Variants in HIPK3 observed in about 807,000 individuals in gnomAD.
HIPK3 encodes the protein homeodomain interacting protein kinase 3.
HIPK3 carries 47 observed loss-of-function variants against 124.2 expected under a neutral mutation model. The observed-to-expected ratio is 0.38, with a 90% CI of 0.30 to 0.48. The LOEUF is 0.48. HIPK3 is among the 20% of genes least tolerant of loss of function. The pLI is 0.98. For synonymous variants in HIPK3, 482 were observed against 515.2 expected (o/e 0.94, Z 0.87); for missense variants, 1,286 against 1,454.3 (o/e 0.88, Z 1.88).
At chr11:33,339,327 G>T (rs1366052849) in intron 5 of HIPK3, 23 bp from the exon 6 acceptor site, 2 of 1,458,644 alleles carry the variant, frequency 1.4e-6, no homozygotes, top group Non-Finnish European at 1.8e-6. Flanking sequence ...TTACTTGATG[G>T]CTTGAAATTT....
At chr11:33,294,909 A>C (rs1224942421) in intron 2 of HIPK3, among the ~76,000 whole-genome samples, 1 of 152,106 alleles carries the variant, frequency 6.6e-6, no homozygotes, top group Admixed American at 6.6e-5. Context: ...ACATGTTTAC[A>C]TTATTTGCCC....
intron 1 of HIPK3, among the ~76,000 whole-genome samples, chr11:33,268,568 A>C (rs543659499): frequency 1.2e-4 from 18 of 144,894 alleles, no homozygotes; most frequent in Non-Finnish European, 2.3e-4. Context: ...TGCACCTTGG[A>C]CAACAGAGTA....
intron 1 of HIPK3, among the ~76,000 whole-genome samples, chr11:33,281,943 C>T (rs1023022075): frequency 3.9e-5 from 6 of 152,166 alleles, no homozygotes; most frequent in Admixed American, 2.6e-4. Context: ...ATTTCTAGGT[C>T]AGAGGATATG....
Position 33,286,653 on chromosome 11 carries a change from C to T in HIPK3, c.239C>T (p.Thr80Ile), listed in dbSNP as rs748842821. The change falls in exon 2 of 17, where the codon ACA (threonine) becomes ATA (isoleucine). Residue 80 changes from threonine (T) to isoleucine (I), a missense_variant. Thr to Ile is a moderately conservative substitution (Grantham distance 89). Transcript: ENST00000303296. ...CGAGGACACAACTTTTCATTGCAGACAAGTGCTGTTGTTTTGAAAAACACT... is the reference window on the plus strand; with the variant it reads ...CGAGGACACAACTTTTCATTGCAGATAAGTGCTGTTGTTTTGAAAAACACT... ...RPRGHNFSLQ[T>I]SAVVLKNTAG... 1 of 1,614,138 alleles carries T rather than the reference C, an allele frequency of 6.2e-7. No individual in the cohort carries two copies. Among genetic ancestry groups the T allele is most frequent in the South Asian group, 1.1e-5 (1 of 91,086 alleles).
intron 1 of HIPK3, among the ~76,000 whole-genome samples, chr11:33,282,967 G>T (rs1478316611): frequency 1.3e-5 from 2 of 152,154 alleles, no homozygotes; most frequent in African/African-American, 4.8e-5. Context: ...CTTAATGGAT[G>T]AGTTTGATAC....
chr11:33,351,586 A>AC, intron 14 of HIPK3, 22 bp from the exon 15 acceptor site: 1 of 1,572,742 alleles, frequency 6.4e-7, no homozygotes, highest in Non-Finnish European at 8.7e-7. Flanking sequence ...TATCACTCAT[A>AC]AAAAATGCTT....
At chr11:33,258,615 C>T in intron 1 of HIPK3, 3 of 985,384 alleles carry the variant, frequency 3.0e-6, no homozygotes, top group Non-Finnish European at 3.6e-6. Flanking sequence ...CTTCGCCGCA[C>T]TGGGAGAACT....
In HIPK3 at chr11:33,348,406, A is replaced by T. The variant is rs1853561102; in HGVS notation, c.2370-116A>T. 1.7e-5 allele frequency: 17 copies of T among 1,028,304 alleles called. No individual in the cohort carries two copies. The South Asian group carries it at 2.2e-4, about 13-fold the overall frequency. 63.7% of individuals were successfully genotyped at this position (1,028,304 alleles called of 1,614,324 possible). On this transcript the variant is annotated intron_variant, in intron 12 of 16. Coordinates refer to ENST00000303296, the MANE Select transcript of HIPK3 (RefSeq NM_005734.5). ...AAAACTCAAGATCTGTTAGTGTGTT[A>T]TATTCATGAACTCGAACAAGTGAAG...
chr11:33,257,292 C>A, upstream of HIPK3: 1 of 983,140 alleles, frequency 1.0e-6, no homozygotes, highest in Non-Finnish European at 1.2e-6. Context: ...CCGGGCTGGG[C>A]GCGCAGCGCT....
chr11:33,257,227 G>A (rs1850687075), upstream of HIPK3: 2 of 984,000 alleles, frequency 2.0e-6, no homozygotes, highest in Non-Finnish European at 2.4e-6. Context: ...ACTGGCGGGC[G>A]GACCCCGGGG....
intron 2 of HIPK3, among the ~76,000 whole-genome samples, chr11:33,304,823 A>C (rs913787709): frequency 6.6e-6 from 1 of 152,158 alleles, no homozygotes; most frequent in Admixed American, 6.6e-5. Context: ...AGGTCAAAGC[A>C]TATGTACCTT....
At chr11:33,349,697 C>T (rs1159707342) in intron 14 of HIPK3, among the ~76,000 whole-genome samples, 1 of 152,076 alleles carries the variant, frequency 6.6e-6, no homozygotes, top group Admixed American at 6.6e-5. Context: ...CCAGTGCTCC[C>T]ACCTTGGCCT....
In HIPK3 at chr11:33,322,439, G is replaced by A. The variant is rs964747518; in HGVS notation, c.1098-6071G>A. 7.9e-5 allele frequency among the ~76,000 whole-genome samples: 12 copies of A among 152,132 alleles called. 1 individual carries two copies. Among genetic ancestry groups the A allele is most frequent in the Admixed American group, 6.6e-4 (10 of 15,262 alleles). On this transcript the variant is annotated intron_variant, in intron 2 of 16. Coordinates refer to ENST00000303296, the MANE Select transcript of HIPK3 (RefSeq NM_005734.5). Reference sequence around the variant, plus strand: ...GAGGTTCTTACTATTTTCTTTTAGTGGCCTAGAGGTTTGAAAAATGAATAG... The same window carrying A: ...GAGGTTCTTACTATTTTCTTTTAGTAGCCTAGAGGTTTGAAAAATGAATAG...
chr11:33,292,434 G>GGT (rs1464114908), intron 2 of HIPK3, among the ~76,000 whole-genome samples: 2 of 152,082 alleles, frequency 1.3e-5, no homozygotes, highest in South Asian at 4.2e-4. Flanking sequence ...GTGTGTGCAG[G>GGT]GTGATATAGG....
rs1565101971 is a variant in HIPK3 at position 33,353,204 on chromosome 11, G to T, written c.3284G>T (p.Gly1095Val). Residue 1095 changes from glycine to valine, a missense_variant, in exon 17 of 17, where the codon GGA becomes GTA. Physicochemically the swap from Gly to Val is moderately radical, Grantham distance 109 (BLOSUM62 -3). Transcript: ENST00000303296. ...AGTAATCCATTCACTCTTTCTCATG[G>T]AAGTCCCAATCACACAGCAGTGCAT... ...VTSNPFTLSH[G>V]SPNHTAVHAH... The T allele has an allele frequency of 9.9e-6, 16 of 1,613,890 alleles. No individual in the cohort carries two copies. Among genetic ancestry groups the T allele is most frequent in the Non-Finnish European group, 1.4e-5 (16 of 1,179,922 alleles).
intron 1 of HIPK3, among the ~76,000 whole-genome samples, chr11:33,278,731 C>A (rs1175134899): frequency 1.3e-5 from 2 of 152,032 alleles, no homozygotes; most frequent in Non-Finnish European, 2.9e-5. Context: ...GTAGTCCCAG[C>A]TACTCGGAAG....
At chr11:33,269,099 C>T (rs1851053075) in intron 1 of HIPK3, among the ~76,000 whole-genome samples, 1 of 152,192 alleles carries the variant, frequency 6.6e-6, no homozygotes, top group African/African-American at 2.4e-5. Context: ...TGATACTCAA[C>T]TTACATACCT....
intron 4 of HIPK3, among the ~76,000 whole-genome samples, chr11:33,337,955 A>G: frequency 6.6e-6 from 1 of 152,162 alleles, no homozygotes; most frequent in East Asian, 1.9e-4. Flanking sequence ...TACAGGTGTG[A>G]GCCACTGTGC....
At chr11:33,322,221 G>C (rs909835394) in intron 2 of HIPK3, among the ~76,000 whole-genome samples, 1 of 151,844 alleles carries the variant, frequency 6.6e-6, no homozygotes, top group Admixed American at 6.6e-5. Context: ...GGATGGTCTC[G>C]ATCTCCTGAC....
Sources: gnomAD v4.1 joint callset for allele counts (sites outside exome capture counted in the v4.1 genomes callset) on GRCh38, gnomAD v4.1.1 for gene constraint, MANE v1.5 for transcripts, NCBI Gene and HGNC (gene_info 2026-07-23, HGNC 2026-07-21) for gene names.